Variants in GALNT9 observed in about 807,000 individuals in gnomAD.
The protein encoded by GALNT9 is GalNAc transferase 9.
GALNT9 carries 47 observed loss-of-function variants against 63.1 expected under a neutral mutation model. The ratio of observed to expected loss-of-function variants is 0.75; its 90% confidence interval spans 0.59 to 0.95. The LOEUF is 0.95. Ranked by LOEUF, GALNT9 falls within the 40% of genes least tolerant of loss-of-function variation. The pLI is 0.00. For synonymous variants in GALNT9, 396 were observed against 365.7 expected (o/e 1.08, Z -0.94); for missense variants, 829 against 874.8 (o/e 0.95, Z 0.66).
intron 6 of GALNT9, among the ~76,000 whole-genome samples, chr12:132,239,972 T>C (rs2136897608): frequency 4.6e-5 from 7 of 152,108 alleles, no homozygotes; most frequent in Non-Finnish European, 7.4e-5. Flanking sequence ...CTAGGCTGTC[T>C]GGTGTCTGGG....
chr12:132,257,499 TGCCCTCATCCCCACGCCCTCGTCCCCG>T (rs1387592368), intron 5 of GALNT9, among the ~76,000 whole-genome samples, 163 bp downstream of exon 5: 1 of 18,242 alleles, frequency 5.5e-5, no homozygotes, highest in East Asian at 1.7e-3. Flanking sequence ...CTCGTCCTCA[TGCCCTCATCCCCACGCCCTCGTCCCCG>T]GCCCTCATCC....
chr12:132,247,856 C>T (rs532770030), intron 6 of GALNT9, 54 bp downstream of exon 6: 38 of 1,546,480 alleles, frequency 2.5e-5, no homozygotes, highest in African/African-American at 8.2e-5. Flanking sequence ...TGTTCCCAGA[C>T]GCTGTGGCCT....
chr12:132,219,315 G>A (rs1297280683), intron 6 of GALNT9, among the ~76,000 whole-genome samples: 2 of 152,288 alleles, frequency 1.3e-5, no homozygotes, highest in African/African-American at 2.4e-5. Flanking sequence ...CTCCCCTGCC[G>A]TTTCAGACAC....
chr12:132,197,000 AT>A lies in GALNT9; in HGVS notation c.*106del. The A allele has an allele frequency of 6.5e-7, 1 of 1,542,398 alleles. No individual in the cohort carries two copies. The highest frequency in any genetic ancestry group is 8.7e-7 in the Non-Finnish European group (1 of 1,144,352). ...TCAGCCTCTGCTGTCCTGGCCGCAC[AT>A]AGAGCCCTGTCCTGCTGTGTCTGCC... On this transcript the variant is annotated 3_prime_UTR_variant, in exon 11 of 11. Transcript: ENST00000328957.
At chr12:132,208,067 C>G (rs140856677) in intron 6 of GALNT9, among the ~76,000 whole-genome samples, 2,726 of 152,314 alleles carry the variant, frequency 0.018, 92 homozygotes, top group African/African-American at 0.063. Flanking sequence ...CCGCGCTCCC[C>G]GGGAGATTGA....
intron 6 of GALNT9, among the ~76,000 whole-genome samples, chr12:132,211,639 G>A (rs1876959564): frequency 6.6e-6 from 1 of 152,112 alleles, no homozygotes. Context: ...TCTCCACCGT[G>A]GTTTTCCCGA....
intron 6 of GALNT9, among the ~76,000 whole-genome samples, chr12:132,244,915 C>T (rs563837020): frequency 1.3e-5 from 2 of 151,038 alleles, no homozygotes; most frequent in African/African-American, 4.9e-5. Flanking sequence ...CACCGTAGAG[C>T]AACCTCTGAC....
rs1048658290 is a variant in GALNT9 at position 132,229,630 on chromosome 12, C to T, written c.1077+18280G>A. On this transcript the variant is annotated intron_variant, in intron 6 of 10. Transcript: ENST00000328957. ...GGGAGAGAGGCCGCCTGTGCCTCAG[C>T]GGGGCCGTCCCCACCCTTCTCGGGC... 4.0e-3 allele frequency among the ~76,000 whole-genome samples: 613 copies of T among 152,318 alleles called. 3 individuals carry two copies. The highest frequency in any genetic ancestry group is 0.014 in the African/African-American group (572 of 41,584).
intron 1 of GALNT9, among the ~76,000 whole-genome samples, chr12:132,326,690 C>T (rs1480448653): frequency 6.6e-6 from 1 of 152,246 alleles, no homozygotes; most frequent in Non-Finnish European, 1.5e-5. Context: ...ATTTCCCCCT[C>T]TCCTTTCTGA....
chr12:132,213,870 C>T (rs951385307), intron 6 of GALNT9, among the ~76,000 whole-genome samples: 12 of 152,250 alleles, frequency 7.9e-5, no homozygotes, highest in African/African-American at 1.2e-4. Flanking sequence ...TCAGTTGGTG[C>T]GCGTGGGCGC....
intron 4 of GALNT9, among the ~76,000 whole-genome samples, chr12:132,260,206 T>G (rs1593089941): frequency 1.3e-5 from 2 of 150,068 alleles, no homozygotes. Flanking sequence ...GGGTCGGAGG[T>G]GGGGGCTGCA....
At chr12:132,235,346 G>C (rs1666230422) in intron 6 of GALNT9, among the ~76,000 whole-genome samples, 2 of 152,238 alleles carry the variant, frequency 1.3e-5, no homozygotes, top group Admixed American at 6.5e-5. Flanking sequence ...CTGGGAATCA[G>C]GCAGCTTCCA....
chr12:132,202,349 C>G (rs1876214261), intron 7 of GALNT9, among the ~76,000 whole-genome samples: 1 of 152,196 alleles, frequency 6.6e-6, no homozygotes. Context: ...CTCTTCTCGT[C>G]TCTCAGACAC....
chr12:132,263,111 G>A (rs537081907), intron 2 of GALNT9, among the ~76,000 whole-genome samples: 55 of 152,210 alleles, frequency 3.6e-4, no homozygotes, highest in Admixed American at 3.3e-3. Flanking sequence ...TGGGGACGGC[G>A]CTGCTGGGCA....
chr12:132,287,260 C>T (rs1300044894), intron 1 of GALNT9, among the ~76,000 whole-genome samples: 2 of 152,132 alleles, frequency 1.3e-5, no homozygotes, highest in Admixed American at 6.6e-5. Context: ...GCTGTGCCTG[C>T]GGGGCAGAGG....
At position 132,196,530 on chromosome 12, in the gene GALNT9, T is replaced by C. The variant is rs1172325475; in HGVS notation, c.*577A>G. ...TGCTGCTGCCTAATCCTCTCTTTAT[T>C]TGGTCTCTGCTGAAGCAGTCGTGCC... On this transcript the variant is annotated 3_prime_UTR_variant, in exon 11 of 11. Coordinates refer to ENST00000328957, the MANE Select transcript of GALNT9 (RefSeq NM_001122636.2). 16 of 985,628 alleles carry C rather than the reference T, an allele frequency of 1.6e-5. No individual in the cohort carries two copies. The highest frequency in any genetic ancestry group is 1.8e-5 in the Non-Finnish European group (15 of 830,192). The allele number at this position is 985,628 out of a possible 1,614,324, so 61.1% of individuals were successfully genotyped here.
chr12:132,203,228 A>C (rs1163301166), intron 7 of GALNT9, among the ~76,000 whole-genome samples: 1 of 152,114 alleles, frequency 6.6e-6, no homozygotes, highest in Non-Finnish European at 1.5e-5. Context: ...CTGGCTTCTA[A>C]CCACGGGGCA....
At chr12:132,320,851 A>C (rs1000329865) in intron 1 of GALNT9, among the ~76,000 whole-genome samples, 4 of 152,136 alleles carry the variant, frequency 2.6e-5, no homozygotes, top group African/African-American at 9.7e-5. Flanking sequence ...TTCAGTGCCC[A>C]CAGGGCCCCC....
intron 1 of GALNT9, among the ~76,000 whole-genome samples, chr12:132,300,375 G>A (rs1593113663): frequency 8.4e-6 from 1 of 119,674 alleles, no homozygotes; most frequent in Non-Finnish European, 1.7e-5. Context: ...AGATGACCAA[G>A]CCACTCCTGA....
Sources: allele counts gnomAD v4.1 joint callset (sites outside exome capture counted in the v4.1 genomes callset), GRCh38; gene constraint gnomAD v4.1.1; transcripts MANE v1.5; gene names NCBI Gene and HGNC (gene_info 2026-07-23, HGNC 2026-07-21).